Variants in RFX4 observed in about 807,000 individuals in gnomAD.
RFX4 encodes regulatory factor X4, also known as transcription factor RFX4.
Under a neutral mutation model 95.0 loss-of-function variants are expected in RFX4, and 10 were observed. That is an observed-to-expected ratio of 0.11 (90% CI 0.06 to 0.18). The LOEUF (loss-of-function observed/expected upper bound fraction) is 0.18. Ranked by LOEUF, RFX4 falls within the 10% of genes least tolerant of loss-of-function variation. RFX4 has a pLI of 1.00. For synonymous variants in RFX4, 321 were observed against 340.7 expected (o/e 0.94, Z 0.64); for missense variants, 640 against 922.0 (o/e 0.69, Z 3.96).
chr12:106,738,518 G>A (rs1277067226), intron 15 of RFX4, among the ~76,000 whole-genome samples: 1 of 152,196 alleles, frequency 6.6e-6, no homozygotes, highest in Non-Finnish European at 1.5e-5. Flanking sequence ...ATATTTCTGT[G>A]CAATGTGTTC....
intron 10 of RFX4, among the ~76,000 whole-genome samples, chr12:106,713,113 TCAGA>T (rs528202680): frequency 1.5e-3 from 236 of 152,310 alleles, no homozygotes; most frequent in Non-Finnish European, 3.0e-3. Context: ...CATTCCCAGA[TCAGA>T]CAGAGGACTA....
intron 13 of RFX4, among the ~76,000 whole-genome samples, chr12:106,721,824 T>G (rs1046754744): frequency 1.3e-5 from 2 of 152,220 alleles, no homozygotes; most frequent in Admixed American, 6.5e-5. Flanking sequence ...GTGGGTTTAA[T>G]TTGACACTTT....
At chr12:106,688,197 G>A (rs2041704811) in intron 6 of RFX4, among the ~76,000 whole-genome samples, 1 of 150,630 alleles carries the variant, frequency 6.6e-6, no homozygotes, top group Admixed American at 6.7e-5. Flanking sequence ...AGCCTCCCAA[G>A]TAGCTGTGAT....
intron 2 of RFX4, among the ~76,000 whole-genome samples, chr12:106,620,391 G>A (rs994284111): frequency 6.6e-5 from 10 of 152,290 alleles, no homozygotes; most frequent in South Asian, 2.1e-4. Flanking sequence ...CGGTAGGACC[G>A]TGATGCCTGC....
intron 13 of RFX4, among the ~76,000 whole-genome samples, chr12:106,723,086 A>C (rs985197963): frequency 6.6e-6 from 1 of 151,736 alleles, no homozygotes; most frequent in Admixed American, 6.6e-5. Context: ...CCTGTAGGGG[A>C]CTCTATCACC....
At position 106,709,438 on chromosome 12, in the gene RFX4, C is replaced by G. The variant is rs1321117280; in HGVS notation, c.934+8C>G. ...GAAACATCAAGTTCGAATGTAAGTA[C>G]TGAGTTGAGAGCGGGATGGAAGAGA... On this transcript the variant is annotated splice_region_variant and intron_variant, in intron 9 of 17. Transcript: ENST00000392842. The G allele has an allele frequency of 6.2e-7, 1 of 1,603,854 alleles. No individual in the cohort carries two copies. The highest frequency in any genetic ancestry group is 8.5e-7 in the Non-Finnish European group (1 of 1,174,404).
At chr12:106,642,577 G>T (rs2040656067) in intron 3 of RFX4, among the ~76,000 whole-genome samples, 1 of 152,058 alleles carries the variant, frequency 6.6e-6, no homozygotes, top group Non-Finnish European at 1.5e-5. Flanking sequence ...TTGTGCCACT[G>T]TACTCAAGCC....
chr12:106,696,557 A>G (rs1231505069), intron 8 of RFX4, 111 bp downstream of exon 8: 1 of 1,090,640 alleles, frequency 9.2e-7, no homozygotes, highest in East Asian at 2.5e-5. Flanking sequence ...CCTTGTAAAG[A>G]CCATTAATAT....
At chr12:106,626,327 G>A (rs1181267958) in intron 2 of RFX4, among the ~76,000 whole-genome samples, 2 of 152,236 alleles carry the variant, frequency 1.3e-5, no homozygotes, top group Admixed American at 6.5e-5. Context: ...GGTGACATTT[G>A]CCTTGGGCCT....
chr12:106,599,822 T>C (rs903386628), intron 1 of RFX4, among the ~76,000 whole-genome samples: 2 of 152,076 alleles, frequency 1.3e-5, no homozygotes, highest in African/African-American at 2.4e-5. Flanking sequence ...TCAATCCTGG[T>C]TTATGCATGT....
chr12:106,630,262 T>C (rs2040392401), intron 2 of RFX4, among the ~76,000 whole-genome samples: 1 of 152,212 alleles, frequency 6.6e-6, no homozygotes, highest in Admixed American at 6.5e-5. Flanking sequence ...CATAGAAATT[T>C]TGGATTTTTT....
intron 7 of RFX4, among the ~76,000 whole-genome samples, chr12:106,692,177 A>G (rs919259419): frequency 6.6e-6 from 1 of 151,826 alleles, no homozygotes; most frequent in Non-Finnish European, 1.5e-5. Context: ...AAAAAATGCA[A>G]ATCTGCATGT....
intron 16 of RFX4, 127 bp from the exon 17 acceptor site, chr12:106,750,528 G>A (rs972769758): frequency 4.2e-6 from 4 of 941,958 alleles, no homozygotes; most frequent in Non-Finnish European, 4.4e-6. Flanking sequence ...TGGGGGTGAA[G>A]GGGGGAAGAA....
Position 106,734,943 on chromosome 12 carries a change from G to A in RFX4, c.1633+1858G>A, listed in dbSNP as rs147660365. On this transcript the variant is annotated intron_variant, in intron 15 of 17. Transcript: ENST00000392842. ...TAGCTGGGCATGGTGGTGTGCACCT[G>A]TGGTGGAGGCTGAGATGGGAGGATC... Among the ~76,000 whole-genome samples, 384 of 151,484 alleles carry A rather than the reference G, an allele frequency of 2.5e-3. 1 individual carries two copies. Among genetic ancestry groups the A allele is most frequent in the African/African-American group, 8.5e-3 (351 of 41,290 alleles).
rs144556898 is a variant in RFX4 at position 106,656,510 on chromosome 12, C to T, written c.315+2159C>T. On this transcript the variant is annotated intron_variant, in intron 4 of 17. Coordinates refer to ENST00000392842, the MANE Select transcript of RFX4 (RefSeq NM_213594.3). Reference sequence around the variant, plus strand: ...GAGATTTGTAGGAGAGGTTTACATCCCAAACAGGGTTAACATCCCAAACAG... The same window carrying T: ...GAGATTTGTAGGAGAGGTTTACATCTCAAACAGGGTTAACATCCCAAACAG... 8.4e-4 allele frequency among the ~76,000 whole-genome samples: 128 copies of T among 152,184 alleles called. 1 individual carries two copies. The highest frequency in any genetic ancestry group is 2.9e-3 in the African/African-American group (121 of 41,520).
chr12:106,622,468 G>A (rs942807366), intron 2 of RFX4, among the ~76,000 whole-genome samples: 6 of 152,008 alleles, frequency 3.9e-5, no homozygotes, highest in African/African-American at 1.4e-4. Context: ...ATTGAGCAAT[G>A]AGAAGTGCTT....
At chr12:106,600,754 G>C (rs572759808) in intron 1 of RFX4, among the ~76,000 whole-genome samples, 1 of 151,954 alleles carries the variant, frequency 6.6e-6, no homozygotes, top group Non-Finnish European at 1.5e-5. Context: ...CTCCCGCTTC[G>C]TCATGCTGGC....
intron 8 of RFX4, among the ~76,000 whole-genome samples, chr12:106,698,188 G>T (rs1209887925): frequency 6.6e-6 from 1 of 151,972 alleles, no homozygotes; most frequent in Admixed American, 6.6e-5. Flanking sequence ...TGGCCAGGCT[G>T]GTCTTGAACT....
chr12:106,594,705 G>C (rs1465208401), intron 1 of RFX4, among the ~76,000 whole-genome samples: 2 of 151,900 alleles, frequency 1.3e-5, no homozygotes, highest in Admixed American at 1.3e-4. Flanking sequence ...CTGCCGAGCT[G>C]AGCAGTGCAC....
Sources: gnomAD v4.1 joint callset for allele counts (sites outside exome capture counted in the v4.1 genomes callset) on GRCh38, gnomAD v4.1.1 for gene constraint, MANE v1.5 for transcripts, NCBI Gene and HGNC (gene_info 2026-07-23, HGNC 2026-07-21) for gene names.